ELMOD1: variants seen among roughly 807,000 people sequenced by gnomAD.
The protein encoded by ELMOD1 is ELMO domain-containing protein 1.
ELMOD1 carries 21 observed loss-of-function variants against 46.7 expected under a neutral mutation model. The observed-to-expected ratio is 0.45, with a 90% CI of 0.32 to 0.65. The LOEUF is 0.65. Among genes scored for constraint, ELMOD1 ranks in the 30% least tolerant of loss-of-function variants. The pLI, the probability that ELMOD1 is intolerant of heterozygous loss-of-function variation, is 0.04. For missense variants in ELMOD1, 348 were observed against 407.8 expected, an observed-to-expected ratio of 0.85 and a Z score of 1.26; for synonymous variants, 122 against 138.2, an observed-to-expected ratio of 0.88 and a Z score of 0.82.
intron 10 of ELMOD1, among the ~76,000 whole-genome samples, chr11:107,655,572 C>CATTTTTTT (rs1866613415): frequency 2.5e-5 from 1 of 39,426 alleles, no homozygotes; most frequent in Non-Finnish European, 4.5e-5. Context: ...TATTGAAATG[C>CATTTTTTT]CTTTTTTTTT....
chr11:107,596,526 C>T (rs1001339693), intron 1 of ELMOD1, among the ~76,000 whole-genome samples: 1 of 152,062 alleles, frequency 6.6e-6, no homozygotes, highest in Non-Finnish European at 1.5e-5. Context: ...TTCAGATTTC[C>T]TTTGCTTTAT....
chr11:107,665,974 TAAATAAATAAA>T lies in ELMOD1; in HGVS notation c.*778_*788del. 1.5e-5 allele frequency: 1 copy of T among 68,700 alleles called. No homozygotes were observed. Among genetic ancestry groups the T allele is most frequent in the East Asian group, 4.4e-4 (1 of 2,280 alleles). The allele number at this position is 68,700 out of a possible 1,614,324, so 4.3% of individuals were successfully genotyped here. ...AGACTCCATCTCAAAAATAAATAAATAAATAAATAAATAAATAAATAAATAAATAAATAAAT... is the reference window on the plus strand; with the variant it reads ...AGACTCCATCTCAAAAATAAATAAATTAAATAAATAAATAAATAAATAAAT... On this transcript the variant is annotated 3_prime_UTR_variant, in exon 12 of 12. Coordinates refer to ENST00000265840, the MANE Select transcript of ELMOD1 (RefSeq NM_018712.4).
At chr11:107,633,163 G>T (rs11828020) in intron 5 of ELMOD1, among the ~76,000 whole-genome samples, 1 of 152,102 alleles carries the variant, frequency 6.6e-6, no homozygotes, top group South Asian at 2.1e-4. Context: ...CTGGTCCCAA[G>T]CATGTCAGAT....
intron 2 of ELMOD1, chr11:107,625,339 T>A: frequency 1.1e-6 from 1 of 921,796 alleles, no homozygotes; most frequent in Non-Finnish European, 1.3e-6. Flanking sequence ...AACCAAGAAC[T>A]GTGATTATTT....
At chr11:107,628,804 G>A (rs535954572) in intron 2 of ELMOD1, among the ~76,000 whole-genome samples, 111 of 151,380 alleles carry the variant, frequency 7.3e-4, no homozygotes, top group Non-Finnish European at 9.6e-4. Flanking sequence ...TTATAAAAAT[G>A]TACTTAATCA....
chr11:107,594,550 A>G (rs1014580556), intron 1 of ELMOD1, among the ~76,000 whole-genome samples: 2 of 152,240 alleles, frequency 1.3e-5, no homozygotes, highest in Admixed American at 6.5e-5. Context: ...CCTAAGTGCT[A>G]GTTTACTATT....
chr11:107,655,863 A>C, intron 10 of ELMOD1, 70 bp from the exon 11 acceptor site: 5 of 1,493,870 alleles, frequency 3.3e-6, no homozygotes, highest in Non-Finnish European at 4.5e-6. Context: ...AGTGTCTTTT[A>C]GCATGCTAAT....
intron 1 of ELMOD1, chr11:107,592,414 A>G: frequency 1.9e-6 from 1 of 534,592 alleles, no homozygotes; most frequent in South Asian, 1.4e-5. Context: ...GCATCCAGGC[A>G]TTGTTCTGCA....
chr11:107,662,899 T>C (rs7948972), intron 11 of ELMOD1, among the ~76,000 whole-genome samples: 5 of 149,930 alleles, frequency 3.3e-5, no homozygotes, highest in Non-Finnish European at 7.4e-5. Context: ...TCAAAAAAAA[T>C]TTTTTTTTTT....
At chr11:107,623,859 G>A (rs951460515) in intron 2 of ELMOD1, 4 of 152,014 alleles carry the variant, frequency 2.6e-5, no homozygotes. Flanking sequence ...GTACTGCACG[G>A]TCAGTCTTAT....
At chr11:107,649,997 G>C (rs1168882556) in intron 7 of ELMOD1, among the ~76,000 whole-genome samples, 1 of 151,924 alleles carries the variant, frequency 6.6e-6, no homozygotes. Context: ...CCTTCTGAAG[G>C]CCTCCAAACA....
At chr11:107,632,641 G>T (rs562148344) in intron 5 of ELMOD1, among the ~76,000 whole-genome samples, 3 of 152,250 alleles carry the variant, frequency 2.0e-5, no homozygotes, top group African/African-American at 7.2e-5. Flanking sequence ...TATAGTAAAG[G>T]TCTTTTTGAA....
intron 1 of ELMOD1, among the ~76,000 whole-genome samples, chr11:107,599,671 G>A (rs998604753): frequency 1.4e-5 from 2 of 140,444 alleles, no homozygotes; most frequent in East Asian, 4.7e-4. Flanking sequence ...GAACCCAGGA[G>A]GCAGAGGTTA....
intron 9 of ELMOD1, 22 bp downstream of exon 9, chr11:107,650,930 GT>G: frequency 9.2e-7 from 1 of 1,091,206 alleles, no homozygotes; most frequent in Non-Finnish European, 1.2e-6. Flanking sequence ...TTGTTTTTGT[GT>G]TTTATTGCTT....
intron 11 of ELMOD1, 87 bp from the exon 12 acceptor site, chr11:107,664,938 C>T: frequency 7.7e-7 from 1 of 1,294,738 alleles, no homozygotes; most frequent in Non-Finnish European, 1.1e-6. Flanking sequence ...CTTGGTTCAG[C>T]ATCTTCCTCA....
chr11:107,595,111 TA>T (rs1319501269), intron 1 of ELMOD1, among the ~76,000 whole-genome samples: 1 of 151,866 alleles, frequency 6.6e-6, no homozygotes, highest in Non-Finnish European at 1.5e-5. Flanking sequence ...CAGCAACTGA[TA>T]ATACAATGTC....
chr11:107,661,368 T>A (rs1205255064), intron 11 of ELMOD1, among the ~76,000 whole-genome samples: 1 of 152,220 alleles, frequency 6.6e-6, no homozygotes, highest in Non-Finnish European at 1.5e-5. Flanking sequence ...TTCCAGCACA[T>A]TGTAGAAAGG....
At chr11:107,632,688 A>G (rs1866160937) in intron 5 of ELMOD1, among the ~76,000 whole-genome samples, 1 of 152,214 alleles carries the variant, frequency 6.6e-6, no homozygotes, top group Non-Finnish European at 1.5e-5. Flanking sequence ...TGGGAAGGTG[A>G]TAAGAAGGCA....
At chr11:107,638,696 C>T (rs955635605) in intron 6 of ELMOD1, among the ~76,000 whole-genome samples, 33 of 152,138 alleles carry the variant, frequency 2.2e-4, no homozygotes, top group African/African-American at 7.7e-4. Flanking sequence ...TTTGGCATAC[C>T]ACCCATTTTA....
Sources: gnomAD v4.1 joint callset for allele counts (sites outside exome capture counted in the v4.1 genomes callset) on GRCh38, gnomAD v4.1.1 for gene constraint, MANE v1.5 for transcripts, NCBI Gene and HGNC (gene_info 2026-07-23, HGNC 2026-07-21) for gene names.